The following ZFPM2 variants were observed in gnomAD, a reference collection of about 807,000 sequenced individuals.
The protein encoded by ZFPM2 is zinc finger protein ZFPM2.
In ZFPM2, 20 loss-of-function variants were observed where a neutral mutation model predicts 98.6. That is an observed-to-expected ratio of 0.20 (90% CI 0.14 to 0.29). The LOEUF is 0.29. ZFPM2 is among the 10% of genes least tolerant of loss of function. ZFPM2 has a pLI of 1.00. For synonymous variants in ZFPM2, 518 were observed against 502.7 expected (o/e 1.03, Z -0.41); for missense variants, 1,310 against 1,388.6 (o/e 0.94, Z 0.90).
At chr8:105,519,717 C>T (rs1481888506) in intron 3 of ZFPM2, among the ~76,000 whole-genome samples, 1 of 151,484 alleles carries the variant, frequency 6.6e-6, no homozygotes, top group African/African-American at 2.4e-5. Context: ...AGTTCTCACA[C>T]ATGCAATATA....
chr8:105,399,244 A>G (rs946156005), intron 1 of ZFPM2, among the ~76,000 whole-genome samples: 1 of 152,222 alleles, frequency 6.6e-6, no homozygotes, highest in African/African-American at 2.4e-5. Context: ...TGTAATTTAT[A>G]TCCTGTGACA....
intron 5 of ZFPM2, among the ~76,000 whole-genome samples, chr8:105,680,050 A>G (rs1214848816): frequency 1.3e-5 from 2 of 152,154 alleles, no homozygotes; most frequent in Non-Finnish European, 2.9e-5. Context: ...AGTCTATTAA[A>G]CTGCATTTCC....
chr8:105,539,147 A>T (rs895498894), intron 3 of ZFPM2, among the ~76,000 whole-genome samples: 2 of 152,124 alleles, frequency 1.3e-5, no homozygotes, highest in African/African-American at 4.8e-5. Context: ...TCCTACCTCA[A>T]AGAGATAGTT....
chr8:105,622,906 C>T (rs1418373945), intron 4 of ZFPM2, among the ~76,000 whole-genome samples: 3 of 152,080 alleles, frequency 2.0e-5, no homozygotes, highest in African/African-American at 7.2e-5. Context: ...ACCAAATATA[C>T]AGTTTTTCTT....
In ZFPM2 at chr8:105,658,359, C is replaced by T. The variant is rs1817324767; in HGVS notation, c.532+24002C>T. Among the ~76,000 whole-genome samples the T allele has an allele frequency of 4.7e-5, 2 of 42,164 alleles. 1 individual carries two copies. Among genetic ancestry groups the T allele is most frequent in the African/African-American group, 2.6e-4 (2 of 7,740 alleles). 27.7% of individuals were successfully genotyped at this position (42,164 alleles called of 152,430 possible). ...ATCCCAGCACTTTGGGAGGCCGAGG[C>T]GGGTGGATCACGAGGTCAGGAGATC... On this transcript the variant is annotated intron_variant, in intron 5 of 7. Transcript: ENST00000407775.
chr8:105,558,406 A>G (rs908606462), intron 3 of ZFPM2, among the ~76,000 whole-genome samples: 1 of 152,196 alleles, frequency 6.6e-6, no homozygotes, highest in African/African-American at 2.4e-5. Context: ...TTGTCTAGTA[A>G]AGTTGAAAAG....
At chr8:105,441,237 C>G (rs114071879) in intron 2 of ZFPM2, among the ~76,000 whole-genome samples, 2,395 of 151,670 alleles carry the variant, frequency 0.016, 57 homozygotes, top group African/African-American at 0.055. Flanking sequence ...TCAACTTACT[C>G]TCCTTAATTG....
At chr8:105,782,701 A>C (rs1445496551) in intron 5 of ZFPM2, among the ~76,000 whole-genome samples, 1 of 152,128 alleles carries the variant, frequency 6.6e-6, no homozygotes, top group Non-Finnish European at 1.5e-5. Flanking sequence ...TAATATTTAT[A>C]TCTGAGTTTG....
intron 5 of ZFPM2, among the ~76,000 whole-genome samples, chr8:105,773,053 A>G (rs1813016622): frequency 6.6e-6 from 1 of 152,338 alleles, no homozygotes; most frequent in Middle Eastern, 3.4e-3. Context: ...GCAACTTAAC[A>G]TTTAAGGTAG....
chr8:105,403,022 G>A (rs1563642483), intron 1 of ZFPM2, among the ~76,000 whole-genome samples: 1 of 151,830 alleles, frequency 6.6e-6, no homozygotes, highest in Non-Finnish European at 1.5e-5. Flanking sequence ...CTTTGTAGGT[G>A]GTCTATTTTG....
At chr8:105,358,307 G>A (rs1224707686) in intron 1 of ZFPM2, among the ~76,000 whole-genome samples, 5 of 151,242 alleles carry the variant, frequency 3.3e-5, no homozygotes, top group Non-Finnish European at 5.9e-5. Flanking sequence ...AGGCTGGAGT[G>A]CAGTGGCATG....
At chr8:105,767,243 A>G (rs1179276745) in intron 5 of ZFPM2, among the ~76,000 whole-genome samples, 2 of 151,968 alleles carry the variant, frequency 1.3e-5, no homozygotes, top group Non-Finnish European at 2.9e-5. Flanking sequence ...TTTAAAAATT[A>G]TTAAATGAGA....
At chr8:105,800,304 G>A (rs975757314) in intron 7 of ZFPM2, among the ~76,000 whole-genome samples, 3 of 152,058 alleles carry the variant, frequency 2.0e-5, no homozygotes, top group African/African-American at 7.2e-5. Context: ...GTCAATCTTA[G>A]TGATGCTTAC....
intron 5 of ZFPM2, among the ~76,000 whole-genome samples, chr8:105,788,477 T>A (rs1703035945): frequency 6.6e-6 from 1 of 152,164 alleles, no homozygotes; most frequent in African/African-American, 2.4e-5. Flanking sequence ...AAATTATGTT[T>A]ATACTGTACT....
chr8:105,664,645 T>G (rs1254497620), intron 5 of ZFPM2, among the ~76,000 whole-genome samples: 1 of 152,234 alleles, frequency 6.6e-6, no homozygotes, highest in Non-Finnish European at 1.5e-5. Flanking sequence ...ATAAAATTCT[T>G]TAAGTATTGG....
chr8:105,369,671 A>C (rs1351273435), intron 1 of ZFPM2, among the ~76,000 whole-genome samples: 1 of 152,198 alleles, frequency 6.6e-6, no homozygotes, highest in African/African-American at 2.4e-5. Context: ...AGTCCTAATA[A>C]AAATCTAAAA....
At chr8:105,676,076 T>C (rs1055194316) in intron 5 of ZFPM2, 3 of 152,186 alleles carry the variant, frequency 2.0e-5, no homozygotes, top group Admixed American at 6.5e-5. Flanking sequence ...TGCATCTTTT[T>C]AGGACTCTTA....
intron 5 of ZFPM2, among the ~76,000 whole-genome samples, chr8:105,725,114 A>T (rs1012678034): frequency 6.6e-6 from 1 of 151,836 alleles, no homozygotes; most frequent in Non-Finnish European, 1.5e-5. Flanking sequence ...TTGCAGCTAT[A>T]TAACTGATTT....
intron 3 of ZFPM2, among the ~76,000 whole-genome samples, chr8:105,511,817 A>G (rs1240737239): frequency 2.6e-5 from 4 of 152,170 alleles, no homozygotes; most frequent in Non-Finnish European, 5.9e-5. Flanking sequence ...CAGCAAGCCC[A>G]TAGTTATGGT....
Sources: allele counts gnomAD v4.1 joint callset (sites outside exome capture counted in the v4.1 genomes callset), GRCh38; gene constraint gnomAD v4.1.1; transcripts MANE v1.5; gene names NCBI Gene and HGNC (gene_info 2026-07-23, HGNC 2026-07-21).